SECISBP2L: variants seen among roughly 807,000 people sequenced by gnomAD.
The protein encoded by SECISBP2L is selenocysteine insertion sequence-binding protein 2-like.
Under a neutral mutation model 114.7 loss-of-function variants are expected in SECISBP2L, and 43 were observed. The observed-to-expected ratio is 0.38, with a 90% CI of 0.29 to 0.48. The LOEUF is 0.48. SECISBP2L is among the 20% of genes least tolerant of loss of function. The pLI is 0.98. For missense variants in SECISBP2L, 1,136 were observed against 1,301.1 expected, an observed-to-expected ratio of 0.87 and a Z score of 1.95; for synonymous variants, 451 against 439.7, an observed-to-expected ratio of 1.03 and a Z score of -0.32.
At chr15:49,027,819 C>G (rs1902779260) in intron 6 of SECISBP2L, among the ~76,000 whole-genome samples, 1 of 152,082 alleles carries the variant, frequency 6.6e-6, no homozygotes, top group African/African-American at 2.4e-5. Flanking sequence ...TCATGTTGGC[C>G]AGGCTGGTCT....
At position 49,011,762 on chromosome 15, in the gene SECISBP2L, A is replaced by G. The variant is rs1311478519; in HGVS notation, c.1833T>C (p.Asp611=). Residue 611 remains aspartate (D), a synonymous_variant, in exon 13 of 18, where the codon GAT becomes GAC. Coordinates refer to ENST00000559471, the MANE Select transcript of SECISBP2L (RefSeq NM_001193489.2). ...EPTEMHLDFI[D]DLPQEIVSQE... ...GGGAAACAATCTCCTGTGGCAAGTC[A>G]TCAATAAAATCTAAGTGCATTTCTG... is the stretch of plus-strand genomic sequence containing the variant. 8.1e-6 allele frequency: 13 copies of G among 1,613,978 alleles called. No homozygotes were observed. Among genetic ancestry groups the G allele is most frequent in the African/African-American group, 1.3e-5 (1 of 74,926 alleles).
chr15:49,007,517 CA>C (rs1465571588), intron 14 of SECISBP2L, among the ~76,000 whole-genome samples: 2 of 152,336 alleles, frequency 1.3e-5, no homozygotes, highest in African/African-American at 4.8e-5. Flanking sequence ...TCTAAAGAGG[CA>C]GTCTGGCTAC....
rs11401269 is a variant in SECISBP2L, at chr15:48,989,129, G to GT, written c.*3114dup. 0.52 allele frequency: 76,014 copies of GT among 146,776 alleles called. 20,700 individuals carry two copies. The highest frequency in any genetic ancestry group is 0.62 in the Non-Finnish European group (41,409 of 66,620). 9.1% of individuals were successfully genotyped at this position (146,776 alleles called of 1,614,324 possible). On this transcript the variant is annotated 3_prime_UTR_variant, in exon 18 of 18. Transcript: ENST00000559471. ...CATACAGAAAATACATGACAAGGGT[G>GT]TTTTTTTTTTTTAAGCAAACAGCAG...
chr15:49,030,008 CTTAT>C (rs1424883619), intron 4 of SECISBP2L, among the ~76,000 whole-genome samples: 1 of 140,586 alleles, frequency 7.1e-6, no homozygotes, highest in Non-Finnish European at 1.5e-5. Context: ...AGTTGTATTT[CTTAT>C]TTACTTCACA....
intron 2 of SECISBP2L, chr15:49,037,271 T>TC (rs1903028926): frequency 1.6e-5 from 1 of 62,162 alleles, no homozygotes; most frequent in African/African-American, 1.4e-4. Flanking sequence ...ATGTTCAATC[T>TC]CAAAAAAAAA....
chr15:48,990,255 C>T lies in SECISBP2L; in HGVS notation c.*1989G>A, dbSNP rs960651582. On this transcript the variant is annotated 3_prime_UTR_variant, in exon 18 of 18. Coordinates refer to ENST00000559471, the MANE Select transcript of SECISBP2L (RefSeq NM_001193489.2). ...CAAGAGTTATCTGAATCACTGACAT[C>T]GAGCAAAGGAAATTTACACCATAAA... 6.6e-5 allele frequency: 10 copies of T among 152,604 alleles called. No individual in the cohort carries two copies. Among genetic ancestry groups the T allele is most frequent in the African/African-American group, 2.4e-4 (10 of 41,438 alleles). 9.5% of individuals were successfully genotyped at this position (152,604 alleles called of 1,614,324 possible). A position where few individuals can be genotyped will look rare whatever the true frequency, so the allele number is the denominator to read the frequency against.
At chr15:49,034,669 GTTT>G (rs58267682) in intron 3 of SECISBP2L, among the ~76,000 whole-genome samples, 5 of 132,134 alleles carry the variant, frequency 3.8e-5, no homozygotes, top group African/African-American at 1.4e-4. Context: ...TATATCTTTT[GTTT>G]TTTTTTTTTT....
Position 49,006,939 on chromosome 15 carries a change from T to A in SECISBP2L, c.2027+2277A>T, listed in dbSNP as rs140816621. 8.3e-3 allele frequency among the ~76,000 whole-genome samples: 1,267 copies of A among 152,244 alleles called. 30 individuals carry two copies. The highest frequency in any genetic ancestry group is 0.029 in the African/African-American group (1,213 of 41,536). On this transcript the variant is annotated intron_variant, in intron 14 of 17. Coordinates refer to ENST00000559471, the MANE Select transcript of SECISBP2L (RefSeq NM_001193489.2). The stretch of plus-strand genomic sequence containing the variant: ...TTCCTCATCTTCGTGGATTTATCTA[T>A]CTTTGGTCTTTGATATTGGTGACCT...
intron 4 of SECISBP2L, among the ~76,000 whole-genome samples, chr15:49,028,942 T>G (rs1285490506): frequency 2.0e-5 from 3 of 152,154 alleles, no homozygotes; most frequent in Admixed American, 2.0e-4. Context: ...CACTGCAACC[T>G]TTGCCTCCCA....
intron 14 of SECISBP2L, among the ~76,000 whole-genome samples, chr15:49,006,775 C>T (rs1595784925): frequency 6.6e-6 from 1 of 152,108 alleles, no homozygotes; most frequent in African/African-American, 2.4e-5. Flanking sequence ...TTATTACCCA[C>T]CTTCTGAAGC....
intron 16 of SECISBP2L, among the ~76,000 whole-genome samples, chr15:48,999,206 G>T (rs537567028): frequency 6.6e-6 from 1 of 152,222 alleles, no homozygotes; most frequent in East Asian, 1.9e-4. Context: ...AGTGTGGTTG[G>T]GAAAAGTAGT....
intron 7 of SECISBP2L, among the ~76,000 whole-genome samples, chr15:49,024,490 C>T (rs1388084063): frequency 7.4e-6 from 1 of 135,406 alleles, no homozygotes; most frequent in Non-Finnish European, 1.5e-5. Context: ...GAGCAAGACT[C>T]TGTCTCAAAA....
At chr15:49,033,251 G>GC in intron 3 of SECISBP2L, 151 bp from the exon 4 acceptor site, 2 of 903,050 alleles carry the variant, frequency 2.2e-6, no homozygotes, top group Non-Finnish European at 3.3e-6. Flanking sequence ...TAGTACTAGG[G>GC]TTTCATGAAA....
chr15:49,016,723 T>C, intron 10 of SECISBP2L, 22 bp from the exon 11 acceptor site: 1 of 1,520,308 alleles, frequency 6.6e-7, no homozygotes, highest in Non-Finnish European at 8.8e-7. Flanking sequence ...ATATAAAAAA[T>C]TAATTTTTTT....
intron 12 of SECISBP2L, 131 bp downstream of exon 12, chr15:49,012,517 C>T (rs1037471604): frequency 5.6e-6 from 5 of 885,042 alleles, no homozygotes; most frequent in East Asian, 5.1e-5. Flanking sequence ...AACACATTAT[C>T]GTCAAGATTC....
At chr15:48,996,624 G>C (rs765123067) in intron 16 of SECISBP2L, 38 bp from the exon 17 acceptor site, 4 of 1,563,694 alleles carry the variant, frequency 2.6e-6, no homozygotes, top group Non-Finnish European at 3.5e-6. Context: ...CCATTTTTTT[G>C]TTACACTTTT....
At chr15:48,993,038 T>A in intron 17 of SECISBP2L, 112 bp from the exon 18 acceptor site, 1 of 953,430 alleles carries the variant, frequency 1.0e-6, no homozygotes, top group Non-Finnish European at 1.6e-6. Context: ...TTTGTTGGCT[T>A]AGAAACTGAC....
intron 7 of SECISBP2L, among the ~76,000 whole-genome samples, chr15:49,021,208 C>T (rs1941974417): frequency 6.6e-6 from 1 of 152,090 alleles, no homozygotes; most frequent in Admixed American, 6.5e-5. Context: ...CAGGCCCTTA[C>T]CAGACATCGA....
At chr15:49,018,110 A>C (rs896897420) in intron 8 of SECISBP2L, among the ~76,000 whole-genome samples, 1 of 152,220 alleles carries the variant, frequency 6.6e-6, no homozygotes, top group African/African-American at 2.4e-5. Context: ...AATGTCTTTA[A>C]ATATAAGTAT....
Sources: allele counts gnomAD v4.1 joint callset (sites outside exome capture counted in the v4.1 genomes callset), GRCh38; gene constraint gnomAD v4.1.1; transcripts MANE v1.5; gene names NCBI Gene and HGNC (gene_info 2026-07-23, HGNC 2026-07-21).